Variants in GNG7 observed in about 807,000 individuals in gnomAD.
GNG7 encodes guanine nucleotide-binding protein G(I)/G(S)/G(O) subunit gamma-7.
Under a neutral mutation model 4.0 loss-of-function variants are expected in GNG7, and 1 was observed. The ratio of observed to expected loss-of-function variants is 0.25; its 90% CI spans 0.09 to 1.18. The LOEUF (loss-of-function observed/expected upper bound fraction) is 1.18. Ranked by LOEUF, GNG7 falls within the 50% of genes most tolerant of loss-of-function variation. The pLI is 0.50. For synonymous variants in GNG7, 34 were observed against 36.9 expected, an observed-to-expected ratio of 0.92 and a Z score of 0.29; for missense variants, 86 against 91.9, an observed-to-expected ratio of 0.94 and a Z score of 0.26.
chr19:2,560,743 T>A (rs1599391646), intron 2 of GNG7, among the ~76,000 whole-genome samples: 1 of 151,906 alleles, frequency 6.6e-6, no homozygotes, highest in African/African-American at 2.4e-5. Flanking sequence ...GATCACTTGA[T>A]GTCAGGAGTT....
At chr19:2,519,379 C>T (rs995152549) in intron 4 of GNG7, among the ~76,000 whole-genome samples, 12 of 151,572 alleles carry the variant, frequency 7.9e-5, no homozygotes, top group African/African-American at 2.9e-4. Flanking sequence ...TGGTCTCGAA[C>T]CCCTGACCTC....
At chr19:2,686,409 C>T (rs1485799116) in intron 1 of GNG7, among the ~76,000 whole-genome samples, 3 of 152,290 alleles carry the variant, frequency 2.0e-5, no homozygotes, top group East Asian at 1.9e-4. Flanking sequence ...CCACCCACCT[C>T]GGCCTCCCAA....
chr19:2,698,315 A>G (rs1289322455), intron 1 of GNG7, among the ~76,000 whole-genome samples: 23 of 146,212 alleles, frequency 1.6e-4, no homozygotes, highest in African/African-American at 5.6e-4. Context: ...TGTAATCCCA[A>G]CACTTTGGGA....
intron 1 of GNG7, among the ~76,000 whole-genome samples, chr19:2,678,784 C>G (rs560927966): frequency 6.6e-6 from 1 of 151,992 alleles, no homozygotes; most frequent in East Asian, 1.9e-4. Flanking sequence ...TGGCCTTCAA[C>G]GCCAGGTCTA....
intron 1 of GNG7, among the ~76,000 whole-genome samples, chr19:2,695,969 G>A (rs1913235805): frequency 6.9e-6 from 1 of 145,202 alleles, no homozygotes; most frequent in Non-Finnish European, 1.6e-5. Context: ...GACCAGCCTG[G>A]GCAACATGGT....
chr19:2,568,338 T>A (rs893180744), intron 2 of GNG7, among the ~76,000 whole-genome samples: 2 of 140,904 alleles, frequency 1.4e-5, no homozygotes, highest in Non-Finnish European at 3.1e-5. Flanking sequence ...TACACACATA[T>A]AGACATACAT....
intron 2 of GNG7, among the ~76,000 whole-genome samples, chr19:2,631,105 G>T (rs894628088): frequency 7.9e-5 from 12 of 152,166 alleles, no homozygotes; most frequent in African/African-American, 2.9e-4. Flanking sequence ...CAGGCATGAA[G>T]ACCAGAGGAA....
At chr19:2,585,786 C>T (rs999071980) in intron 2 of GNG7, among the ~76,000 whole-genome samples, 14 of 152,132 alleles carry the variant, frequency 9.2e-5, no homozygotes, top group Admixed American at 7.2e-4. Context: ...CTGTAACCTC[C>T]GCCTCCCGGG....
At chr19:2,590,682 C>T (rs1980822705) in intron 2 of GNG7, among the ~76,000 whole-genome samples, 1 of 149,432 alleles carries the variant, frequency 6.7e-6, no homozygotes, top group African/African-American at 2.5e-5. Context: ...TCCATCCACC[C>T]ATCCATTCAT....
In GNG7 at chr19:2,689,346, A is replaced by G. The variant is rs11883103; in HGVS notation, c.-135+13300T>C. 2.0e-3 allele frequency among the ~76,000 whole-genome samples: 307 copies of G among 151,734 alleles called. 2 individuals are homozygous for G. The highest frequency in any genetic ancestry group is 7.1e-3 in the African/African-American group (294 of 41,432). ...GAATAAACGCTCCTAACAAGACCAC[A>G]TTTGGGCCGGGCTCGGTGGGCCTCC... On this transcript the variant is annotated intron_variant, in intron 1 of 4. Coordinates refer to ENST00000382159, the MANE Select transcript of GNG7 (RefSeq NM_052847.3).
intron 2 of GNG7, among the ~76,000 whole-genome samples, chr19:2,585,277 A>G (rs949163715): frequency 3.3e-5 from 5 of 152,216 alleles, no homozygotes; most frequent in Non-Finnish European, 7.3e-5. Flanking sequence ...GTGTATACAT[A>G]ACTGCATAAT....
chr19:2,613,853 G>A (rs1229187553), intron 2 of GNG7, among the ~76,000 whole-genome samples: 1 of 152,156 alleles, frequency 6.6e-6, no homozygotes, highest in Non-Finnish European at 1.5e-5. Flanking sequence ...TTAATTAATT[G>A]GTGAGGGGGA....
chr19:2,630,419 C>A (rs1982128673), intron 2 of GNG7, among the ~76,000 whole-genome samples: 1 of 152,088 alleles, frequency 6.6e-6, no homozygotes, highest in Non-Finnish European at 1.5e-5. Context: ...CTTGAGTTCA[C>A]TGAAAGGGCG....
chr19:2,699,105 T>C (rs1913338027), intron 1 of GNG7, among the ~76,000 whole-genome samples: 1 of 151,624 alleles, frequency 6.6e-6, no homozygotes, highest in South Asian at 2.1e-4. Flanking sequence ...CAGTACTAAG[T>C]GTTCAAAAGC....
At position 2,634,245 on chromosome 19, in the gene GNG7, G is replaced by A. The variant is rs1192643905; in HGVS notation, c.-78+11979C>T. 6.6e-6 allele frequency among the ~76,000 whole-genome samples: 1 copy of A among 152,200 alleles called. No individual in the cohort carries two copies. The highest frequency in any genetic ancestry group is 2.4e-5 in the African/African-American group (1 of 41,444). ...CCCCCTCAGCACTGTGGACATTTGA[G>A]GCCCGATTGTTCTCTGGGGTGGGGC... On this transcript the variant is annotated intron_variant, in intron 2 of 4. Coordinates refer to ENST00000382159, the MANE Select transcript of GNG7 (RefSeq NM_052847.3). This position sits in a 1 kb window ranked among gnomAD's most constrained non-coding sequence, Gnocchi z 5.3.
intron 3 of GNG7, chr19:2,538,200 G>A (rs774747298): frequency 2.2e-6 from 1 of 456,708 alleles, no homozygotes. Context: ...TGACTTTATT[G>A]TAAAAAGAGA....
intron 2 of GNG7, among the ~76,000 whole-genome samples, chr19:2,560,054 G>A (rs1278655813): frequency 6.6e-6 from 1 of 152,144 alleles, no homozygotes; most frequent in Non-Finnish European, 1.5e-5. Flanking sequence ...GTCCACCTAG[G>A]AGGGGAAACG....
chr19:2,655,307 C>A (rs1982937959), intron 1 of GNG7, among the ~76,000 whole-genome samples: 1 of 151,632 alleles, frequency 6.6e-6, no homozygotes, highest in African/African-American at 2.4e-5. Flanking sequence ...AGGCAGCCAA[C>A]AGGATTATGA....
intron 1 of GNG7, among the ~76,000 whole-genome samples, chr19:2,674,439 G>A (rs1182995956): frequency 7.9e-6 from 1 of 126,314 alleles, no homozygotes; most frequent in Non-Finnish European, 1.6e-5. Flanking sequence ...TTTTGTTTTT[G>A]TTTTGTTTTT....
Sources: allele counts gnomAD v4.1 joint callset (sites outside exome capture counted in the v4.1 genomes callset), GRCh38; gene constraint gnomAD v4.1.1; non-coding constraint Gnocchi (gnomAD v3.1); transcripts MANE v1.5; gene names NCBI Gene and HGNC (gene_info 2026-07-23, HGNC 2026-07-21).